The following PTPN14 variants were observed in gnomAD, a reference collection of about 807,000 sequenced individuals.
PTPN14 encodes protein tyrosine phosphatase non-receptor type 14.
In PTPN14, 53 loss-of-function variants were observed where a neutral mutation model predicts 126.8. The observed-to-expected ratio is 0.42, with a 90% CI of 0.34 to 0.53. The LOEUF (loss-of-function observed/expected upper bound fraction) is 0.53. Among genes scored for constraint, PTPN14 ranks in the 20% least tolerant of loss-of-function variants. PTPN14 has a pLI of 0.08. For missense variants in PTPN14, 1,257 were observed against 1,552.9 expected, an observed-to-expected ratio of 0.81 and a Z score of 3.20; for synonymous variants, 630 against 599.3, an observed-to-expected ratio of 1.05 and a Z score of -0.75.
chr1:214,429,173 G>A (rs967453602), intron 3 of PTPN14, among the ~76,000 whole-genome samples: 1 of 152,128 alleles, frequency 6.6e-6, no homozygotes, highest in Admixed American at 6.5e-5. Context: ...TAAAAGTCAT[G>A]ATCACAGATT....
At chr1:214,372,893 C>T (rs1658252849) in intron 15 of PTPN14, 54 bp from the exon 16 acceptor site, 1 of 1,603,112 alleles carries the variant, frequency 6.2e-7, no homozygotes. Flanking sequence ...ACAACATTAC[C>T]TGCTGATCAC....
At chr1:214,414,774 G>T in intron 3 of PTPN14, 48 bp from the exon 4 acceptor site, 1 of 1,448,630 alleles carries the variant, frequency 6.9e-7, no homozygotes, top group Non-Finnish European at 9.7e-7. Flanking sequence ...CACATACTTG[G>T]AATATATTCC....
At position 214,395,154 on chromosome 1, in the gene PTPN14, C is replaced by T. The variant is rs557609979; in HGVS notation, c.759-168G>A. On this transcript the variant is annotated intron_variant, in intron 8 of 18. Coordinates refer to ENST00000366956, the MANE Select transcript of PTPN14 (RefSeq NM_005401.5). ...GAGAAAAGAAAATGCAACACATATC[C>T]ATTCAAATTGCTAAAAATTCTACAT... is the stretch of plus-strand genomic sequence containing the variant. Among the ~76,000 whole-genome samples, 23 of 152,294 alleles carry T rather than the reference C, an allele frequency of 1.5e-4. No individual in the cohort carries two copies. The East Asian group carries it at 4.0e-3, about 27-fold the overall frequency.
intron 1 of PTPN14, among the ~76,000 whole-genome samples, chr1:214,543,560 T>A (rs988934810): frequency 1.3e-5 from 2 of 152,128 alleles, no homozygotes; most frequent in African/African-American, 4.8e-5. Context: ...GAATAAATAA[T>A]AAATCACAAA....
intron 3 of PTPN14, among the ~76,000 whole-genome samples, chr1:214,420,556 C>T (rs561903051): frequency 1.6e-4 from 24 of 152,320 alleles, no homozygotes; most frequent in African/African-American, 5.8e-4. Context: ...GAAAGACATG[C>T]CACGACCTGA....
At chr1:214,467,059 G>A (rs1327753989) in intron 1 of PTPN14, among the ~76,000 whole-genome samples, 2 of 152,118 alleles carry the variant, frequency 1.3e-5, no homozygotes, top group Non-Finnish European at 2.9e-5. Context: ...CTCTGGCTTG[G>A]TAAAATATAT....
chr1:214,520,686 G>A (rs1262509717), intron 1 of PTPN14, among the ~76,000 whole-genome samples: 5 of 152,000 alleles, frequency 3.3e-5, no homozygotes, highest in Admixed American at 6.6e-5. Context: ...TCCAGTCCCC[G>A]CTTTTACTGT....
intron 13 of PTPN14, among the ~76,000 whole-genome samples, chr1:214,380,063 C>T (rs542662378): frequency 6.6e-6 from 1 of 152,314 alleles, no homozygotes; most frequent in East Asian, 1.9e-4. Context: ...TCGGGAACCC[C>T]CTGGGGGAAG....
At chr1:214,490,907 A>AGG (rs1558127167) in intron 1 of PTPN14, among the ~76,000 whole-genome samples, 1 of 8,622 alleles carries the variant, frequency 1.2e-4, no homozygotes, top group Non-Finnish European at 2.6e-4. Flanking sequence ...GGGAAGGGGA[A>AGG]GGAAGGGAAG....
intron 1 of PTPN14, among the ~76,000 whole-genome samples, chr1:214,495,644 T>C (rs899045379): frequency 6.6e-6 from 1 of 151,946 alleles, no homozygotes; most frequent in Non-Finnish European, 1.5e-5. Context: ...AGAACAGTTA[T>C]CATGTGCTAT....
intron 1 of PTPN14, among the ~76,000 whole-genome samples, chr1:214,467,293 G>C (rs2102656336): frequency 6.6e-6 from 1 of 152,128 alleles, no homozygotes; most frequent in South Asian, 2.1e-4. Context: ...AAGAGGCCAA[G>C]ATTCAATTCC....
At chr1:214,385,857 G>A (rs1198276320) in intron 12 of PTPN14, among the ~76,000 whole-genome samples, 3 of 152,110 alleles carry the variant, frequency 2.0e-5, no homozygotes, top group Non-Finnish European at 2.9e-5. Flanking sequence ...GGGGTTTGGC[G>A]CCTTCCCATA....
At chr1:214,457,616 T>C (rs554876222) in intron 2 of PTPN14, among the ~76,000 whole-genome samples, 11 of 152,352 alleles carry the variant, frequency 7.2e-5, no homozygotes, top group African/African-American at 2.6e-4. Flanking sequence ...TTGCGTTTCT[T>C]AGAATAGCAC....
chr1:214,420,924 G>A (rs182324643), intron 3 of PTPN14, among the ~76,000 whole-genome samples: 8 of 152,326 alleles, frequency 5.3e-5, no homozygotes, highest in Admixed American at 4.6e-4. Context: ...GTGCTAAAGT[G>A]TTTGATGTTA....
Position 214,402,928 on chromosome 1 carries a change from A to G in PTPN14, c.536T>C (p.Leu179Pro). The G allele has an allele frequency of 6.2e-7, 1 of 1,614,046 alleles. No homozygotes were observed. The highest frequency in any genetic ancestry group is 1.6e-4 in the Middle Eastern group (1 of 6,062). Residue 179 changes from leucine to proline, a missense_variant, in exon 6 of 19, where the codon CTG (leucine) becomes CCG (proline). Leu to Pro is a moderately conservative substitution (Grantham distance 98, BLOSUM62 -3). This residue lies in a region of PTPN14 where 1,021 missense variants were observed against 1,183.3 expected (regional missense o/e 0.86). Coordinates refer to ENST00000366956, the MANE Select transcript of PTPN14 (RefSeq NM_005401.5). ...PMDLALEEAV[L>P]EELTQKVAQE... ...GGCTACCTTCTGGGTCAGCTCCTCC[A>G]GAACAGCCTCTTCCAGGGCCAAATC...
intron 9 of PTPN14, among the ~76,000 whole-genome samples, chr1:214,394,495 C>T (rs1196769893): frequency 6.6e-6 from 1 of 152,162 alleles, no homozygotes; most frequent in Non-Finnish European, 1.5e-5. Flanking sequence ...GCAACCTCTG[C>T]CTCCTGGGTT....
chr1:214,517,863 T>A (rs1300891276), intron 1 of PTPN14, among the ~76,000 whole-genome samples: 2 of 152,168 alleles, frequency 1.3e-5, no homozygotes, highest in Non-Finnish European at 2.9e-5. Context: ...GAGTATCACT[T>A]GAGCCTGGGA....
At position 214,467,025 on chromosome 1, in the gene PTPN14, G is replaced by A. The variant is rs546472034; in HGVS notation, c.-154-2068C>T. 9.9e-5 allele frequency among the ~76,000 whole-genome samples: 15 copies of A among 152,128 alleles called. 1 individual carries two copies. The South Asian group carries it at 2.9e-3, about 29-fold the overall frequency. ...ACATGACAGGTATATGTTTTATGAC[G>A]GCTTAAAATACATATGCTAGAAACT... On this transcript the variant is annotated intron_variant, in intron 1 of 18. Coordinates refer to ENST00000366956, the MANE Select transcript of PTPN14 (RefSeq NM_005401.5).
intron 3 of PTPN14, among the ~76,000 whole-genome samples, chr1:214,423,902 A>C (rs1342567891): frequency 6.6e-6 from 1 of 151,928 alleles, no homozygotes; most frequent in Non-Finnish European, 1.5e-5. Context: ...AATCGCTTGA[A>C]CCTGGGAGGC....
Sources: allele counts gnomAD v4.1 joint callset (sites outside exome capture counted in the v4.1 genomes callset), GRCh38; gene constraint gnomAD v4.1.1; regional missense constraint gnomAD v4.1.1; transcripts MANE v1.5; gene names NCBI Gene and HGNC (gene_info 2026-07-23, HGNC 2026-07-21).